The following ABCA13 variants were observed in gnomAD, a reference collection of about 807,000 sequenced individuals.
ABCA13 encodes ATP binding cassette subfamily A member 13, also known as ATP-binding cassette sub-family A member 13.
Under a neutral mutation model 478.7 loss-of-function variants are expected in ABCA13, and 476 were observed. The ratio of observed to expected loss-of-function variants is 0.99; its 90% CI spans 0.92 to 1.07. The LOEUF (loss-of-function observed/expected upper bound fraction) is 1.07. ABCA13 is among the 50% of genes least tolerant of loss of function. The probability of loss-of-function intolerance (pLI) is 0.00; values close to 1 mark genes in which losing one functional copy is unlikely to be tolerated. For synonymous variants in ABCA13, 2,252 were observed against 2,158.9 expected (o/e 1.04, Z -1.20); for missense variants, 6,060 against 5,910.6 (o/e 1.03, Z -0.83).
intron 40 of ABCA13, among the ~76,000 whole-genome samples, chr7:48,411,688 G>A (rs73694619): frequency 0.017 from 2,526 of 152,268 alleles, 55 homozygotes; most frequent in African/African-American, 0.057. Flanking sequence ...TGAGGGTATA[G>A]AGCAAGTGGA....
At chr7:48,621,837 C>T (rs1483564338) in intron 59 of ABCA13, among the ~76,000 whole-genome samples, 1 of 152,174 alleles carries the variant, frequency 6.6e-6, no homozygotes, top group Non-Finnish European at 1.5e-5. Flanking sequence ...TAGCTAAAAG[C>T]ATTTTCCTGA....
chr7:48,438,421 G>A (rs1327164852), intron 42 of ABCA13, among the ~76,000 whole-genome samples: 1 of 151,930 alleles, frequency 6.6e-6, no homozygotes, highest in Non-Finnish European at 1.5e-5. Flanking sequence ...GTTTCCATAG[G>A]GACAGGGGAG....
chr7:48,544,594 T>C (rs1374609549), intron 55 of ABCA13, among the ~76,000 whole-genome samples: 3 of 151,892 alleles, frequency 2.0e-5, no homozygotes, highest in African/African-American at 7.2e-5. Flanking sequence ...TGGAGGGTGG[T>C]TCCCAGAGAG....
At chr7:48,639,635 G>A (rs903056837) in intron 59 of ABCA13, among the ~76,000 whole-genome samples, 1 of 152,142 alleles carries the variant, frequency 6.6e-6, no homozygotes, top group Admixed American at 6.5e-5. Flanking sequence ...GTATGGGGTT[G>A]TGGATGTGAG....
At chr7:48,235,530 C>T (rs985240581) in intron 8 of ABCA13, among the ~76,000 whole-genome samples, 1 of 152,056 alleles carries the variant, frequency 6.6e-6, no homozygotes, top group Admixed American at 6.6e-5. Context: ...AGCAAGTTAC[C>T]CCCAACATAG....
intron 45 of ABCA13, among the ~76,000 whole-genome samples, chr7:48,476,043 TAA>T (rs1383910642): frequency 6.6e-6 from 1 of 152,234 alleles, no homozygotes; most frequent in African/African-American, 2.4e-5. Context: ...GTCGCTGAGA[TAA>T]TAAATTATCA....
chr7:48,516,936 G>A lies in ABCA13; in HGVS notation c.13797+55G>A, dbSNP rs1832166456. On this transcript the variant is annotated intron_variant, in intron 52 of 61. Coordinates refer to ENST00000435803, the MANE Select transcript of ABCA13 (RefSeq NM_152701.5). ...CTTCTGCACCTCTAGTGCAAAGACGGTGTTAACTCATGCCTCTTTTGTTGC... is the reference window on the plus strand; with the variant it reads ...CTTCTGCACCTCTAGTGCAAAGACGATGTTAACTCATGCCTCTTTTGTTGC... The A allele has an allele frequency of 2.6e-6, 4 of 1,547,772 alleles. No homozygotes were observed. In the South Asian group the frequency reaches 3.7e-5, roughly 14 times the overall value.
intron 42 of ABCA13, among the ~76,000 whole-genome samples, chr7:48,444,328 T>C (rs1824005761): frequency 6.6e-6 from 1 of 152,164 alleles, no homozygotes; most frequent in Admixed American, 6.5e-5. Context: ...ACTTGCATCG[T>C]CGTCTCTCAC....
At chr7:48,356,621 C>T (rs1277408820) in intron 31 of ABCA13, among the ~76,000 whole-genome samples, 2 of 151,876 alleles carry the variant, frequency 1.3e-5, no homozygotes, top group Non-Finnish European at 2.9e-5. Context: ...ACAGATCTCT[C>T]TCTCTCCTCC....
intron 44 of ABCA13, among the ~76,000 whole-genome samples, 197 bp from the exon 45 acceptor site, chr7:48,471,333 T>G (rs1827467442): frequency 6.6e-6 from 1 of 152,158 alleles, no homozygotes. Flanking sequence ...ATAATGGAAA[T>G]GCTGGCGTTG....
chr7:48,496,414 T>G (rs1297528225), intron 48 of ABCA13, among the ~76,000 whole-genome samples: 1 of 152,140 alleles, frequency 6.6e-6, no homozygotes, highest in Non-Finnish European at 1.5e-5. Flanking sequence ...GTGTTTCCTA[T>G]ACACACCACA....
At chr7:48,511,539 T>C (rs901813526) in intron 51 of ABCA13, among the ~76,000 whole-genome samples, 1 of 152,202 alleles carries the variant, frequency 6.6e-6, no homozygotes, top group African/African-American at 2.4e-5. Flanking sequence ...AACTCGGAGA[T>C]TGCATTTGTG....
At chr7:48,220,567 G>A (rs545901788) in intron 4 of ABCA13, among the ~76,000 whole-genome samples, 2 of 152,270 alleles carry the variant, frequency 1.3e-5, no homozygotes, top group East Asian at 3.9e-4. Context: ...GCATTATGTG[G>A]TATTTTTAAG....
At chr7:48,437,418 A>C (rs1486566057) in intron 42 of ABCA13, among the ~76,000 whole-genome samples, 2 of 152,094 alleles carry the variant, frequency 1.3e-5, no homozygotes, top group African/African-American at 4.8e-5. Context: ...ATAGACTTAA[A>C]ATGTGTCTCT....
At chr7:48,611,584 A>C (rs1792030900) in intron 58 of ABCA13, among the ~76,000 whole-genome samples, 1 of 152,196 alleles carries the variant, frequency 6.6e-6, no homozygotes, top group Admixed American at 6.5e-5. Flanking sequence ...ACATGGCCAG[A>C]GCAGGAGGAA....
At chr7:48,251,131 T>C (rs1347528775) in intron 15 of ABCA13, among the ~76,000 whole-genome samples, 4 of 152,214 alleles carry the variant, frequency 2.6e-5, no homozygotes, top group African/African-American at 9.6e-5. Context: ...ATAGCAGCAG[T>C]ATTGGGTTGA....
At chr7:48,226,943 A>C (rs77652709) in intron 5 of ABCA13, among the ~76,000 whole-genome samples, 451 of 152,272 alleles carry the variant, frequency 3.0e-3, no homozygotes, top group African/African-American at 0.01. Context: ...TATGTCACAG[A>C]CTTTGTTGCT....
intron 50 of ABCA13, among the ~76,000 whole-genome samples, chr7:48,508,360 CA>C (rs1163259118): frequency 1.3e-5 from 2 of 152,136 alleles, no homozygotes; most frequent in African/African-American, 4.8e-5. Flanking sequence ...AATGGGGTAG[CA>C]GATGAGGTGA....
Position 48,219,419 on chromosome 7 carries a change from T to C in ABCA13, c.353T>C (p.Ile118Thr). 6.2e-7 allele frequency: 1 copy of C among 1,613,332 alleles called. No individual in the cohort carries two copies. Among genetic ancestry groups the C allele is most frequent in the Non-Finnish European group, 8.5e-7 (1 of 1,179,640 alleles). The change falls in exon 4 of 62, where the codon ATA becomes ACA. Residue 118 changes from isoleucine to threonine, a missense_variant. By Grantham distance (89) the Ile-to-Thr change is moderately conservative (BLOSUM62 -1). This residue lies in a region of ABCA13 where 4,423 missense variants were observed against 4,309.1 expected (regional missense o/e 1.03). Coordinates refer to ENST00000435803, the MANE Select transcript of ABCA13 (RefSeq NM_152701.5). ...KVNNLAFLKE[I>T]QDLAEEIHGM... Reference sequence around the variant, plus strand: ...AACAACCTGGCCTTTTTAAAAGAGATACAAGACCTGGCAGAGGAAATTCAT... The same window carrying C: ...AACAACCTGGCCTTTTTAAAAGAGACACAAGACCTGGCAGAGGAAATTCAT...
Sources: gnomAD v4.1 joint callset for allele counts (sites outside exome capture counted in the v4.1 genomes callset) on GRCh38, gnomAD v4.1.1 for gene constraint, gnomAD v4.1.1 regional missense constraint, MANE v1.5 for transcripts, NCBI Gene and HGNC (gene_info 2026-07-23, HGNC 2026-07-21) for gene names.